The following NR2F1-AS1 variants were observed in gnomAD, a reference collection of about 807,000 sequenced individuals.
NR2F1-AS1 encodes NR2F1 regulatory antisense RNA 1.
chr5:93,512,480 A>G (rs942438054), intron 4 of NR2F1-AS1, among the ~76,000 whole-genome samples: 5 of 152,160 alleles, frequency 3.3e-5, no homozygotes, highest in African/African-American at 1.2e-4. Context: ...AAAAAGGTTA[A>G]TTTATTTTTG....
Position 93,538,432 on chromosome 5 carries a change from G to A in NR2F1-AS1, n.638+15329C>T, listed in dbSNP as rs55675733. On this transcript the variant is annotated intron_variant and non_coding_transcript_variant, in intron 4 of 5. Transcript: ENST00000660523. ...TGAGGCTGCAGTGAGCCATAACTGC[G>A]CCACTGCACTCCAACCTGGGTGATG... Among the ~76,000 whole-genome samples the A allele has an allele frequency of 3.2e-3, 494 of 152,116 alleles. 1 individual carries two copies. Among genetic ancestry groups the A allele is most frequent in the African/African-American group, 0.011 (474 of 41,506 alleles).
chr5:93,585,523 G>C (rs775186785), upstream of NR2F1-AS1: 8 of 1,521,840 alleles, frequency 5.3e-6, no homozygotes, highest in East Asian at 4.7e-5. Flanking sequence ...CCCGCGCTTC[G>C]CCCGCCTCCC....
chr5:93,514,887 TATAA>T (rs1432549840), intron 4 of NR2F1-AS1, among the ~76,000 whole-genome samples: 1 of 152,044 alleles, frequency 6.6e-6, no homozygotes, highest in Non-Finnish European at 1.5e-5. Context: ...ATTCAAACAG[TATAA>T]ATAGTCCATG....
At chr5:93,501,793 A>G (rs1342100851) in intron 4 of NR2F1-AS1, among the ~76,000 whole-genome samples, 2 of 152,236 alleles carry the variant, frequency 1.3e-5, no homozygotes, top group African/African-American at 4.8e-5. Context: ...TGAGAGAACT[A>G]ACTCCAATTT....
At chr5:93,557,658 G>A (rs968667585) in intron 2 of NR2F1-AS1, among the ~76,000 whole-genome samples, 1 of 152,122 alleles carries the variant, frequency 6.6e-6, no homozygotes, top group East Asian at 1.9e-4. Flanking sequence ...CCTTGAAGTT[G>A]ATGACTGCTG....
At chr5:93,441,370 G>A (rs1435111294) in intron 4 of NR2F1-AS1, among the ~76,000 whole-genome samples, 2 of 152,168 alleles carry the variant, frequency 1.3e-5, no homozygotes, top group Middle Eastern at 6.3e-3. Flanking sequence ...TACCTAGAGT[G>A]ATCAACATAG....
intron 4 of NR2F1-AS1, among the ~76,000 whole-genome samples, chr5:93,436,267 A>G (rs1268435129): frequency 6.6e-6 from 1 of 152,212 alleles, no homozygotes; most frequent in Non-Finnish European, 1.5e-5. Context: ...CACAGGCTTT[A>G]CAAATAGTCA....
At chr5:93,448,613 A>T (rs1325854327) in intron 4 of NR2F1-AS1, among the ~76,000 whole-genome samples, 2 of 152,242 alleles carry the variant, frequency 1.3e-5, no homozygotes, top group African/African-American at 2.4e-5. Flanking sequence ...ATAATTATTG[A>T]AGCTGACAAG....
chr5:93,420,206 A>G (rs1749059763), intron 4 of NR2F1-AS1, among the ~76,000 whole-genome samples: 1 of 152,120 alleles, frequency 6.6e-6, no homozygotes. Flanking sequence ...CCAACAAACA[A>G]AAAAAATTGT....
rs1752408068 is a variant in NR2F1-AS1 at position 93,558,300 on chromosome 5, A to AAAATGTATG, written n.414-3306_414-3305insCATACATTT. Among the ~76,000 whole-genome samples, 3 of 151,738 alleles carry AAAATGTATG rather than the reference A, an allele frequency of 2.0e-5. No individual in the cohort carries two copies. The South Asian group carries it at 6.2e-4, about 31-fold the overall frequency. On this transcript the variant is annotated intron_variant and non_coding_transcript_variant, in intron 2 of 5. Transcript: ENST00000660523. ...AGGAATCACTACGTATGGCAGCTATAGCCTTATAAAATGTATTTCTTTTTT... is the reference window on the plus strand; with the variant it reads ...AGGAATCACTACGTATGGCAGCTATAAAATGTATGGCCTTATAAAATGTATTTCTTTTTT...
At chr5:93,454,361 T>A in intron 4 of NR2F1-AS1, among the ~76,000 whole-genome samples, 1 of 152,192 alleles carries the variant, frequency 6.6e-6, no homozygotes. Context: ...CAAGGTATTG[T>A]AAGCTTTTGT....
At chr5:93,510,053 G>A (rs1751264584) in intron 4 of NR2F1-AS1, among the ~76,000 whole-genome samples, 1 of 152,016 alleles carries the variant, frequency 6.6e-6, no homozygotes, top group South Asian at 2.1e-4. Flanking sequence ...CTAAAAATGT[G>A]TTATTTTACT....
upstream of NR2F1-AS1, among the ~76,000 whole-genome samples, chr5:93,582,620 A>T (rs181457564): frequency 6.6e-6 from 1 of 152,330 alleles, no homozygotes; most frequent in Admixed American, 6.5e-5. Context: ...ATTTTTCCAA[A>T]CATTTTCAAT....
At chr5:93,536,458 C>G (rs2149903037) in intron 4 of NR2F1-AS1, among the ~76,000 whole-genome samples, 1 of 152,142 alleles carries the variant, frequency 6.6e-6, no homozygotes, top group Middle Eastern at 3.4e-3. Flanking sequence ...TACAGAATCA[C>G]AAAAACTCCA....
chr5:93,489,415 GTATA>G (rs147424258), intron 4 of NR2F1-AS1, among the ~76,000 whole-genome samples: 1 of 148,632 alleles, frequency 6.7e-6, no homozygotes. Flanking sequence ...TTTAATTAAG[GTATA>G]TATATATATA....
intron 4 of NR2F1-AS1, among the ~76,000 whole-genome samples, chr5:93,458,152 A>G (rs1749993639): frequency 6.6e-6 from 1 of 152,202 alleles, no homozygotes; most frequent in South Asian, 2.1e-4. Flanking sequence ...AAGTATAGAG[A>G]AAGAAAAGTG....
chr5:93,510,265 A>T (rs1164571420), intron 4 of NR2F1-AS1, among the ~76,000 whole-genome samples: 1 of 152,140 alleles, frequency 6.6e-6, no homozygotes, highest in Non-Finnish European at 1.5e-5. Flanking sequence ...TGAACTAAAG[A>T]GTCTCTGATT....
intron 4 of NR2F1-AS1, among the ~76,000 whole-genome samples, chr5:93,441,551 T>C (rs2149852141): frequency 6.6e-6 from 1 of 152,342 alleles, no homozygotes; most frequent in South Asian, 2.1e-4. Context: ...CTTTGGCCAC[T>C]ATCTGAAATG....
intron 4 of NR2F1-AS1, among the ~76,000 whole-genome samples, chr5:93,500,816 T>C (rs1010076671): frequency 2.0e-5 from 3 of 152,116 alleles, no homozygotes; most frequent in Admixed American, 6.6e-5. Context: ...ATTTTTTGTA[T>C]TTTTTGTACA....
Sources: gnomAD v4.1 joint callset for allele counts (sites outside exome capture counted in the v4.1 genomes callset) on GRCh38, gnomAD v4.1.1 for gene constraint, MANE v1.5 for transcripts, NCBI Gene and HGNC (gene_info 2026-07-23, HGNC 2026-07-21) for gene names.